The following MGMT variants were observed in gnomAD, a reference collection of about 807,000 sequenced individuals.
MGMT encodes methylated-DNA--protein-cysteine methyltransferase.
In MGMT, 14 loss-of-function variants were observed where a neutral mutation model predicts 15.9. The observed-to-expected ratio is 0.88, with a 90% CI of 0.58 to 1.37. MGMT has a LOEUF of 1.37. Ranked by LOEUF, MGMT falls within the 40% of genes most tolerant of loss-of-function variation. The probability of loss-of-function intolerance (pLI) is 0.00; values close to 1 mark genes in which losing one functional copy is unlikely to be tolerated. For synonymous variants in MGMT, 130 were observed against 118.2 expected, an observed-to-expected ratio of 1.10 and a Z score of -0.65; for missense variants, 282 against 268.1, an observed-to-expected ratio of 1.05 and a Z score of -0.36.
At chr10:129,557,575 C>T (rs1035345421) in intron 2 of MGMT, among the ~76,000 whole-genome samples, 4 of 152,054 alleles carry the variant, frequency 2.6e-5, no homozygotes, top group East Asian at 3.9e-4. Flanking sequence ...TTACATAACT[C>T]GGTAATTATT....
intron 2 of MGMT, among the ~76,000 whole-genome samples, chr10:129,671,512 C>T (rs1847723341): frequency 6.6e-6 from 1 of 151,954 alleles, no homozygotes; most frequent in African/African-American, 2.4e-5. Flanking sequence ...TTTCATAGCT[C>T]AGTAGCAGTC....
chr10:129,646,754 A>ATATATATTTTTT, intron 2 of MGMT, among the ~76,000 whole-genome samples: 1 of 86,678 alleles, frequency 1.2e-5, no homozygotes, highest in Non-Finnish European at 2.6e-5. Flanking sequence ...ATATATATAT[A>ATATATATTTTTT]TTTTCAGGGA....
At chr10:129,536,705 G>A (rs1290520930) in intron 2 of MGMT, 1 of 197,826 alleles carries the variant, frequency 5.1e-6, no homozygotes, top group Non-Finnish European at 1.0e-5. Context: ...TGGGTTCTTC[G>A]GCATATGTCT....
At chr10:129,712,999 CAG>C (rs1426486825) in intron 3 of MGMT, among the ~76,000 whole-genome samples, 1 of 152,198 alleles carries the variant, frequency 6.6e-6, no homozygotes, top group African/African-American at 2.4e-5. Flanking sequence ...AGTTTTTCTA[CAG>C]AGACACTGCA....
intron 2 of MGMT, among the ~76,000 whole-genome samples, chr10:129,670,207 G>C (rs1329770969): frequency 6.6e-6 from 1 of 152,026 alleles, no homozygotes; most frequent in Non-Finnish European, 1.5e-5. Flanking sequence ...CCTGCTAGTA[G>C]GTAATATAGT....
At chr10:129,709,227 G>C (rs1396486383) in intron 3 of MGMT, among the ~76,000 whole-genome samples, 1 of 152,190 alleles carries the variant, frequency 6.6e-6, no homozygotes, top group African/African-American at 2.4e-5. Flanking sequence ...CATCATCTCT[G>C]CCCACCAATG....
chr10:129,562,587 C>A (rs1490777905), intron 2 of MGMT, among the ~76,000 whole-genome samples: 1 of 152,146 alleles, frequency 6.6e-6, no homozygotes, highest in Non-Finnish European at 1.5e-5. Context: ...GTAGGAGGAG[C>A]TTTTTTTCCC....
chr10:129,622,433 C>A (rs576560), intron 2 of MGMT, among the ~76,000 whole-genome samples: 74,222 of 152,040 alleles, frequency 0.49, 18,510 homozygotes, highest in East Asian at 0.63. Flanking sequence ...CTGTCAGTGG[C>A]ATGATCTGTG....
At position 129,697,083 on chromosome 10, in the gene MGMT, T is replaced by C. The variant is rs1848041297; in HGVS notation, c.126-10812T>C. Reference sequence around the variant, plus strand: ...AGCAGTCTGGGAGCTTGAGACTGTATGATGTGGACACCTAGTATCTCTTTC... The same window carrying C: ...AGCAGTCTGGGAGCTTGAGACTGTACGATGTGGACACCTAGTATCTCTTTC... On this transcript the variant is annotated intron_variant, in intron 2 of 4. Transcript: ENST00000651593. Among the ~76,000 whole-genome samples, 3 of 152,204 alleles carry C rather than the reference T, an allele frequency of 2.0e-5. 1 individual carries two copies. In the South Asian group the frequency reaches 6.2e-4, roughly 31 times the overall value.
At chr10:129,699,390 T>C (rs1848070699) in intron 2 of MGMT, among the ~76,000 whole-genome samples, 1 of 152,186 alleles carries the variant, frequency 6.6e-6, no homozygotes, top group Non-Finnish European at 1.5e-5. Context: ...TAAATACCTT[T>C]GCAGTTTTGT....
intron 3 of MGMT, among the ~76,000 whole-genome samples, chr10:129,733,776 A>T (rs1470032468): frequency 2.7e-4 from 41 of 152,272 alleles, no homozygotes; most frequent in Admixed American, 2.7e-3. Context: ...CTTTCTACAT[A>T]TGGCTAGCCA....
At chr10:129,487,917 G>T (rs1045477788) in intron 1 of MGMT, among the ~76,000 whole-genome samples, 14 of 140,048 alleles carry the variant, frequency 1.0e-4, no homozygotes, top group Admixed American at 9.9e-4. Context: ...ATAGGGGTGT[G>T]TGTGTGTGTG....
chr10:129,590,172 T>A (rs954825604), intron 2 of MGMT, among the ~76,000 whole-genome samples: 3 of 152,258 alleles, frequency 2.0e-5, no homozygotes, highest in African/African-American at 7.2e-5. Context: ...CTAATTCCCT[T>A]CTCTCCTAAA....
At chr10:129,680,548 C>T (rs1053067140) in intron 2 of MGMT, among the ~76,000 whole-genome samples, 4 of 138,632 alleles carry the variant, frequency 2.9e-5, no homozygotes, top group African/African-American at 4.9e-5. Context: ...CACTGGCCCC[C>T]GTCTTATCCA....
At chr10:129,595,251 TAGTTCCCCCTGCCATCAGTG>T (rs1175212768) in intron 2 of MGMT, among the ~76,000 whole-genome samples, 1 of 152,186 alleles carries the variant, frequency 6.6e-6, no homozygotes, top group Non-Finnish European at 1.5e-5. Context: ...CGGACACGCT[TAGTTCCCCCTGCCATCAGTG>T]GGCATCTCGA....
intron 1 of MGMT, among the ~76,000 whole-genome samples, chr10:129,472,358 A>G (rs1393897127): frequency 1.3e-5 from 2 of 152,068 alleles, no homozygotes; most frequent in African/African-American, 4.8e-5. Flanking sequence ...CAGTAAATAC[A>G]TATTTTTTTA....
chr10:129,518,291 T>A (rs1845761408), intron 1 of MGMT, among the ~76,000 whole-genome samples: 1 of 149,982 alleles, frequency 6.7e-6, no homozygotes, highest in Non-Finnish European at 1.5e-5. Flanking sequence ...TTATAAATCT[T>A]AAAGATGAGA....
intron 2 of MGMT, among the ~76,000 whole-genome samples, chr10:129,697,439 G>T (rs919917410): frequency 2.6e-5 from 4 of 152,014 alleles, no homozygotes; most frequent in Non-Finnish European, 5.9e-5. Context: ...CCATTCCTGG[G>T]TCTGTCCCTT....
intron 2 of MGMT, among the ~76,000 whole-genome samples, chr10:129,592,950 GA>G (rs1846705738): frequency 6.6e-6 from 1 of 152,040 alleles, no homozygotes; most frequent in Non-Finnish European, 1.5e-5. Context: ...CTTGCATGAG[GA>G]AAAAAATAGC....
Sources: gnomAD v4.1 joint callset for allele counts (sites outside exome capture counted in the v4.1 genomes callset) on GRCh38, gnomAD v4.1.1 for gene constraint, MANE v1.5 for transcripts, NCBI Gene and HGNC (gene_info 2026-07-23, HGNC 2026-07-21) for gene names.